The following KHDRBS2 variants were observed in gnomAD, a reference collection of about 807,000 sequenced individuals.
KHDRBS2 encodes the protein KH domain-containing, RNA-binding, signal transduction-associated protein 2.
In KHDRBS2, 26 loss-of-function variants were observed where a neutral mutation model predicts 44.3. The observed-to-expected ratio is 0.59, with a 90% confidence interval of 0.43 to 0.81. KHDRBS2 has a LOEUF of 0.81. Ranked by LOEUF, KHDRBS2 falls within the 40% of genes least tolerant of loss-of-function variation. The pLI is 0.00. For synonymous variants in KHDRBS2, 194 were observed against 151.1 expected, an observed-to-expected ratio of 1.28 and a Z score of -2.08; for missense variants, 476 against 433.1, an observed-to-expected ratio of 1.10 and a Z score of -0.88.
At position 62,154,178 on chromosome 6, in the gene KHDRBS2, G is replaced by C. The variant is rs150951152; in HGVS notation, c.219+23007C>G. ...TTGTAGAAGACATTGGAAAAAGCAA[G>C]TGTCAGGTTAGGAAAGGTGGGCATA... On this transcript the variant is annotated intron_variant, in intron 2 of 8. Transcript: ENST00000281156. Among the ~76,000 whole-genome samples, 375 of 152,312 alleles carry C rather than the reference G, an allele frequency of 2.5e-3. 1 individual carries two copies. The highest frequency in any genetic ancestry group is 8.8e-3 in the African/African-American group (364 of 41,576).
rs187570241 is a variant in KHDRBS2 at position 62,201,711 on chromosome 6, T to C, written c.92-24399A>G. ...CATGACTTTAAAAGACCATAAACTA[T>C]TATATAGTCATTTGTGCCTAATACC... On this transcript the variant is annotated intron_variant, in intron 1 of 8. Coordinates refer to ENST00000281156, the MANE Select transcript of KHDRBS2 (RefSeq NM_152688.4). Among the ~76,000 whole-genome samples the C allele has an allele frequency of 1.3e-3, 193 of 152,214 alleles. 1 individual carries two copies. The highest frequency in any genetic ancestry group is 3.4e-3 in the Middle Eastern group (1 of 294).
intron 4 of KHDRBS2, among the ~76,000 whole-genome samples, chr6:61,952,112 A>G (rs1764875807): frequency 6.6e-6 from 1 of 152,076 alleles, no homozygotes; most frequent in Non-Finnish European, 1.5e-5. Flanking sequence ...ATATTTTCCA[A>G]TTCATTTTTA....
At chr6:61,731,250 AC>A (rs1186683064) in intron 7 of KHDRBS2, among the ~76,000 whole-genome samples, 1 of 151,894 alleles carries the variant, frequency 6.6e-6, no homozygotes, top group African/African-American at 2.4e-5. Context: ...GTGATGCAAA[AC>A]TTACCCTAAG....
At chr6:61,557,458 C>G in the KHDRBS2 span, among the ~76,000 whole-genome samples, 3 of 152,180 alleles carry the variant, frequency 2.0e-5, no homozygotes, top group Non-Finnish European at 2.9e-5. Flanking sequence ...CTGAATATCT[C>G]CATTGTGAAT....
chr6:61,558,839 A>G, the KHDRBS2 span, among the ~76,000 whole-genome samples: 2 of 152,194 alleles, frequency 1.3e-5, no homozygotes, highest in Admixed American at 1.3e-4. Context: ...GGCCTAACAT[A>G]TGGTCTATCA....
At chr6:61,998,834 G>GGTCAAT in intron 3 of KHDRBS2, among the ~76,000 whole-genome samples, 1 of 152,042 alleles carries the variant, frequency 6.6e-6, no homozygotes, top group South Asian at 2.1e-4. Context: ...TTCAAACATT[G>GGTCAAT]ACCTTGAAGT....
chr6:61,733,970 C>T (rs1284028432), intron 6 of KHDRBS2, among the ~76,000 whole-genome samples: 1 of 152,146 alleles, frequency 6.6e-6, no homozygotes, highest in Non-Finnish European at 1.5e-5. Context: ...GCTTACAAAT[C>T]TCTCTTTATC....
the KHDRBS2 span, among the ~76,000 whole-genome samples, chr6:61,632,150 G>T: frequency 6.6e-6 from 1 of 152,132 alleles, no homozygotes; most frequent in Non-Finnish European, 1.5e-5. Flanking sequence ...CTATGTGAAA[G>T]GATTGGCACC....
intron 2 of KHDRBS2, among the ~76,000 whole-genome samples, chr6:62,063,664 G>A (rs1792692360): frequency 6.9e-6 from 1 of 145,968 alleles, no homozygotes; most frequent in South Asian, 2.3e-4. Flanking sequence ...CAAACCCACA[G>A]CCAATATCAT....
chr6:61,926,143 T>C (rs564651578), intron 4 of KHDRBS2, among the ~76,000 whole-genome samples: 1 of 152,302 alleles, frequency 6.6e-6, no homozygotes, highest in Admixed American at 6.5e-5. Context: ...GGAGCCATAG[T>C]AGAGAAAACG....
At chr6:61,575,072 G>T in the KHDRBS2 span, among the ~76,000 whole-genome samples, 1 of 152,136 alleles carries the variant, frequency 6.6e-6, no homozygotes, top group Non-Finnish European at 1.5e-5. Flanking sequence ...TCATGACCAA[G>T]AACCCAAAAG....
the KHDRBS2 span, among the ~76,000 whole-genome samples, chr6:61,571,435 C>T: frequency 3.9e-5 from 6 of 151,962 alleles, no homozygotes; most frequent in Non-Finnish European, 8.8e-5. Flanking sequence ...TACTACTAGA[C>T]CTAATAAATG....
chr6:62,153,084 C>T (rs1428771624), intron 2 of KHDRBS2, among the ~76,000 whole-genome samples: 1 of 152,178 alleles, frequency 6.6e-6, no homozygotes, highest in African/African-American at 2.4e-5. Flanking sequence ...TTATAGCTTG[C>T]TCAATGGCAA....
At chr6:61,826,769 G>A (rs1790936740) in intron 6 of KHDRBS2, among the ~76,000 whole-genome samples, 1 of 152,056 alleles carries the variant, frequency 6.6e-6, no homozygotes, top group South Asian at 2.1e-4. Context: ...AAATGCAGTG[G>A]CTCTTTGGGA....
At chr6:62,111,614 G>C (rs531856659) in intron 2 of KHDRBS2, among the ~76,000 whole-genome samples, 80 of 152,192 alleles carry the variant, frequency 5.3e-4, no homozygotes, top group African/African-American at 1.8e-3. Flanking sequence ...ACAGACTGCA[G>C]GATAGATACA....
At chr6:61,913,884 A>G (rs1430159094) in intron 4 of KHDRBS2, among the ~76,000 whole-genome samples, 2 of 152,138 alleles carry the variant, frequency 1.3e-5, no homozygotes, top group African/African-American at 4.8e-5. Flanking sequence ...GGAGAATGCC[A>G]GTGCATATGT....
At chr6:62,069,154 T>C (rs1178284353) in intron 2 of KHDRBS2, among the ~76,000 whole-genome samples, 1 of 151,500 alleles carries the variant, frequency 6.6e-6, no homozygotes, top group Non-Finnish European at 1.5e-5. Flanking sequence ...AACTTTGGAG[T>C]CCTCAATGAC....
At chr6:62,065,025 T>C (rs1270391636) in intron 2 of KHDRBS2, among the ~76,000 whole-genome samples, 4 of 151,984 alleles carry the variant, frequency 2.6e-5, no homozygotes, top group Admixed American at 6.6e-5. Flanking sequence ...AAAAAACACA[T>C]GAAAAAATGC....
intron 8 of KHDRBS2, among the ~76,000 whole-genome samples, chr6:61,683,503 G>T (rs1161218026): frequency 6.6e-6 from 1 of 151,716 alleles, no homozygotes; most frequent in African/African-American, 2.4e-5. Flanking sequence ...ATGGATGAAT[G>T]AACAAGGGAA....
Sources: gnomAD v4.1 joint callset for allele counts (sites outside exome capture counted in the v4.1 genomes callset) on GRCh38, gnomAD v4.1.1 for gene constraint, MANE v1.5 for transcripts, NCBI Gene and HGNC (gene_info 2026-07-23, HGNC 2026-07-21) for gene names.